The following ZZEF1 variants were observed in gnomAD, a reference collection of about 807,000 sequenced individuals.
The protein encoded by ZZEF1 is zinc finger ZZ-type and EF-hand domain-containing protein 1.
ZZEF1 carries 157 observed loss-of-function variants against 342.8 expected under a neutral mutation model. The ratio of observed to expected loss-of-function variants is 0.46; its 90% CI spans 0.40 to 0.52. The LOEUF (loss-of-function observed/expected upper bound fraction) is 0.52, where lower values mean the gene tolerates loss of function less well. ZZEF1 is among the 20% of genes least tolerant of loss of function. The pLI, the probability that ZZEF1 is intolerant of heterozygous loss-of-function variation, is 0.00. For synonymous variants in ZZEF1, 1,505 were observed against 1,429.1 expected (o/e 1.05, Z -1.20); for missense variants, 3,480 against 3,725.6 (o/e 0.93, Z 1.72).
At chr17:4,085,903 C>T (rs555572755) in intron 15 of ZZEF1, 100 bp from the exon 16 acceptor site, 2 of 1,446,954 alleles carry the variant, frequency 1.4e-6, no homozygotes, top group Non-Finnish European at 9.4e-7. Context: ...CCATTTTGTA[C>T]TTAATACCAG....
chr17:4,018,966 G>C (rs961995598), intron 46 of ZZEF1, among the ~76,000 whole-genome samples: 1 of 137,196 alleles, frequency 7.3e-6, no homozygotes, highest in African/African-American at 3.7e-5. Flanking sequence ...ACCCACCCCA[G>C]ACTCTGCCTA....
chr17:4,066,341 C>T (rs1452507770), intron 28 of ZZEF1, 106 bp downstream of exon 28: 7 of 952,652 alleles, frequency 7.3e-6, no homozygotes, highest in South Asian at 1.4e-5. Flanking sequence ...TTCCCTAGGT[C>T]AACACAGCCT....
chr17:4,113,024 C>T (rs554933661), intron 4 of ZZEF1, among the ~76,000 whole-genome samples: 16 of 152,252 alleles, frequency 1.1e-4, no homozygotes, highest in East Asian at 5.8e-4. Context: ...ATTAATCTTA[C>T]GATTCCTTTT....
At chr17:4,010,386 T>C (rs1277006893) in intron 52 of ZZEF1, among the ~76,000 whole-genome samples, 1 of 149,338 alleles carries the variant, frequency 6.7e-6, no homozygotes, top group East Asian at 2.0e-4. Flanking sequence ...GACTTTCCAG[T>C]GACAGTGGGA....
chr17:4,046,495 T>A (rs944640863), intron 37 of ZZEF1, among the ~76,000 whole-genome samples: 8 of 152,058 alleles, frequency 5.3e-5, no homozygotes, highest in African/African-American at 1.9e-4. Flanking sequence ...AAAGGTGGAG[T>A]GTGATTCAAC....
At chr17:4,079,272 C>A (rs556056347) in intron 18 of ZZEF1, among the ~76,000 whole-genome samples, 1 of 152,146 alleles carries the variant, frequency 6.6e-6, no homozygotes, top group East Asian at 1.9e-4. Flanking sequence ...CAGGTGAGAA[C>A]GCTGAAGTTT....
intron 1 of ZZEF1, among the ~76,000 whole-genome samples, chr17:4,133,003 G>A (rs1372218339): frequency 2.0e-5 from 3 of 152,056 alleles, no homozygotes; most frequent in African/African-American, 4.8e-5. Context: ...AGAAGGAGGT[G>A]GCACAGAGCA....
intron 1 of ZZEF1, among the ~76,000 whole-genome samples, chr17:4,139,813 C>T (rs1314392742): frequency 6.6e-6 from 1 of 152,192 alleles, no homozygotes; most frequent in African/African-American, 2.4e-5. Flanking sequence ...AAATATAACT[C>T]AATGTTTTCT....
intron 37 of ZZEF1, among the ~76,000 whole-genome samples, chr17:4,049,116 T>G (rs778341453): frequency 6.6e-6 from 1 of 152,154 alleles, no homozygotes; most frequent in Non-Finnish European, 1.5e-5. Flanking sequence ...TATCAACTCT[T>G]CTAAGCACTT....
intron 1 of ZZEF1, among the ~76,000 whole-genome samples, chr17:4,129,206 T>C (rs571281097): frequency 6.0e-4 from 91 of 152,288 alleles, no homozygotes; most frequent in Middle Eastern, 3.4e-3. Flanking sequence ...TAAACAGATA[T>C]TGCAATCATG....
intron 39 of ZZEF1, among the ~76,000 whole-genome samples, chr17:4,037,964 T>C (rs933439164): frequency 6.6e-6 from 1 of 152,226 alleles, no homozygotes; most frequent in Admixed American, 6.6e-5. Context: ...AAGCATTAGA[T>C]GGCAGCAATG....
intron 30 of ZZEF1, among the ~76,000 whole-genome samples, chr17:4,061,920 C>A (rs769436251): frequency 3.3e-5 from 5 of 152,176 alleles, no homozygotes; most frequent in Non-Finnish European, 7.3e-5. Context: ...CAGCCAGGGG[C>A]ACCTCTTATA....
rs57925351 is a variant in ZZEF1 at position 4,112,033 on chromosome 17, AATATATATATATAT to A, written c.1066+562_1066+575del. On this transcript the variant is annotated intron_variant, in intron 5 of 54. Transcript: ENST00000381638. ...GGGTGACAAAAAGAGATCCTGTCTAAATATATATATATATATATATATATATATATATATATATA... is the reference window on the plus strand; with the variant it reads ...GGGTGACAAAAAGAGATCCTGTCTAAATATATATATATATATATATATATA... Among the ~76,000 whole-genome samples, 243 of 54,304 alleles carry A rather than the reference AATATATATATATAT, an allele frequency of 4.5e-3. 2 individuals carry two copies. The highest frequency in any genetic ancestry group is 5.9e-3 in the Admixed American group (22 of 3,730). 35.6% of individuals were successfully genotyped at this position (54,304 alleles called of 152,430 possible).
chr17:4,008,574 A>T lies in ZZEF1; in HGVS notation c.8805+309T>A. ...ACCAGAGAAGCAACTCACATCTAAA[A>T]ATATGTGAAATCTAACTCCACGGAA... is the stretch of plus-strand genomic sequence containing the variant. On this transcript the variant is annotated intron_variant, in intron 54 of 54. Transcript: ENST00000381638. This position sits in a 1 kb window ranked among gnomAD's most constrained non-coding sequence, Gnocchi z 4.2. 1.8e-6 allele frequency: 2 copies of T among 1,118,574 alleles called. No homozygotes were observed. Among genetic ancestry groups the T allele is most frequent in the Non-Finnish European group, 2.2e-6 (2 of 913,748 alleles). 69.3% of individuals were successfully genotyped at this position (1,118,574 alleles called of 1,614,324 possible).
intron 42 of ZZEF1, 110 bp downstream of exon 42, chr17:4,032,016 T>A (rs2254021): frequency 0.42 from 505,246 of 1,215,062 alleles, 109,920 homozygotes; most frequent in African/African-American, 0.78. Context: ...ACTTGTTCTT[T>A]AAAAAAATCA....
Position 4,142,632 on chromosome 17 carries a change from C to A in ZZEF1, c.264G>T (p.Leu88=). The change falls in exon 1 of 55, where the codon CTG becomes CTT. Residue 88 remains leucine (L), a synonymous_variant. Coordinates refer to ENST00000381638, the MANE Select transcript of ZZEF1 (RefSeq NM_015113.4). ...GAGTGACAGACTCTTCGCCGCGGCC[C>A]AGCCGCTCTTCCAGCCAGCGAAACA... ...GALFRWLEER[L]GRGEESVTLE... 6.2e-7 allele frequency: 1 copy of A among 1,606,726 alleles called. No individual in the cohort carries two copies. The highest frequency in any genetic ancestry group is 8.5e-7 in the Non-Finnish European group (1 of 1,179,746).
At chr17:4,129,730 G>A (rs1266088980) in intron 1 of ZZEF1, among the ~76,000 whole-genome samples, 4 of 152,088 alleles carry the variant, frequency 2.6e-5, no homozygotes, top group Non-Finnish European at 4.4e-5. Context: ...CCAGCTACTC[G>A]GGAGGCTGAG....
intron 35 of ZZEF1, among the ~76,000 whole-genome samples, 177 bp downstream of exon 35, chr17:4,051,794 C>G (rs1424202996): frequency 6.6e-6 from 1 of 150,942 alleles, no homozygotes; most frequent in East Asian, 1.9e-4. Flanking sequence ...CAAAATCTTC[C>G]TAACTGCTGA....
intron 2 of ZZEF1, among the ~76,000 whole-genome samples, chr17:4,123,268 CATATATATATATATATATATATATAT>C (rs60101709): frequency 1.9e-3 from 160 of 85,330 alleles, no homozygotes; most frequent in African/African-American, 4.9e-3. Context: ...TTATCATAAC[CATATATATATATATATATATATATAT>C]ATATATATAT....
Sources: gnomAD v4.1 joint callset for allele counts (sites outside exome capture counted in the v4.1 genomes callset) on GRCh38, gnomAD v4.1.1 for gene constraint, Gnocchi (gnomAD v3.1) non-coding constraint, MANE v1.5 for transcripts, NCBI Gene and HGNC (gene_info 2026-07-23, HGNC 2026-07-21) for gene names.